NPAT: variants seen among roughly 807,000 people sequenced by gnomAD.
NPAT encodes protein NPAT.
NPAT carries 52 observed loss-of-function variants against 130.7 expected under a neutral mutation model. That is an observed-to-expected ratio of 0.40 (90% CI 0.32 to 0.50). The LOEUF (loss-of-function observed/expected upper bound fraction) is 0.50, where lower values mean the gene tolerates loss of function less well. NPAT is among the 20% of genes least tolerant of loss of function. The pLI is 0.68. For synonymous variants in NPAT, 580 were observed against 584.8 expected (o/e 0.99, Z 0.12); for missense variants, 1,687 against 1,662.6 (o/e 1.01, Z -0.26).
At chr11:108,190,217 G>A (rs751796632) in intron 5 of NPAT, among the ~76,000 whole-genome samples, 2 of 150,498 alleles carry the variant, frequency 1.3e-5, no homozygotes, top group Non-Finnish European at 2.9e-5. Context: ...GGAGTCTGAG[G>A]CAGGAGAATC....
Position 108,189,328 on chromosome 11 carries a change from G to A in NPAT, c.334C>T (p.Arg112Ter), listed in dbSNP as rs1310038211. 1.2e-6 allele frequency: 2 copies of A among 1,614,008 alleles called. No individual in the cohort carries two copies. The highest frequency in any genetic ancestry group is 1.1e-5 in the South Asian group (1 of 91,066). ...SPRFAGSQRA[R>*]TRTGIAEIKR... Reference sequence around the variant, plus strand: ...ATTTCTGCAATTCCAGTTCTCGTTCGGGCTGAAACATATAAGCATTTAAAA... The same window carrying A: ...ATTTCTGCAATTCCAGTTCTCGTTCAGGCTGAAACATATAAGCATTTAAAA... The change falls in exon 6 of 18, where the codon CGA (arginine) becomes TGA (stop). Residue 112 changes from arginine (R) to a stop codon, truncating the protein, a stop_gained and splice_region_variant. Transcript: ENST00000278612. LOFTEE classifies it high-confidence loss of function.
chr11:108,185,375 T>C (rs749650008), intron 9 of NPAT, 28 bp downstream of exon 9: 1 of 1,574,974 alleles, frequency 6.3e-7, no homozygotes. Flanking sequence ...GCAAAAACAA[T>C]TAGGCATTTT....
At chr11:108,160,077 G>C (rs992080260) in intron 17 of NPAT, among the ~76,000 whole-genome samples, 1 of 151,530 alleles carries the variant, frequency 6.6e-6, no homozygotes, top group Non-Finnish European at 1.5e-5. Context: ...TTGAACTCAG[G>C]AGGCGGAAGT....
In NPAT at chr11:108,161,998, T is replaced by G. The variant is rs770282833; in HGVS notation, c.3088A>C (p.Lys1030Gln). The change falls in exon 17 of 18, where the codon AAA becomes CAA. Residue 1030 changes from lysine to glutamine, a missense_variant. Physicochemically the swap from Lys to Gln is moderately conservative, Grantham distance 53. Coordinates refer to ENST00000278612, the MANE Select transcript of NPAT (RefSeq NM_002519.3). Reference sequence around the variant, plus strand: ...TTCCCAAGATCTGTGGCAATACTTTTGTCAGAAACTTCAGTTCTAAAACAA... The same window carrying G: ...TTCCCAAGATCTGTGGCAATACTTTGGTCAGAAACTTCAGTTCTAAAACAA... Reference protein sequence around the residue: ...CHAQKTEVSDKSIATDLGKKS... With the variant: ...CHAQKTEVSDQSIATDLGKKS... The G allele has an allele frequency of 3.7e-6, 6 of 1,608,822 alleles. No individual in the cohort carries two copies. The highest frequency in any genetic ancestry group is 5.1e-6 in the Non-Finnish European group (6 of 1,177,814).
Position 108,172,804 on chromosome 11 carries a change from T to C in NPAT, c.2180A>G (p.Asn727Ser). The change falls in exon 13 of 18, where the codon AAC (asparagine) becomes AGC (serine). Residue 727 changes from asparagine (N) to serine (S), a missense_variant. Around this residue, in one of 3 missense-constraint regions of NPAT, gnomAD observed 1,379 missense variants for 1,346.6 expected, o/e 1.02. Transcript: ENST00000278612. ...SQNTDDKPSS[N>S]NSAEIDASNI... is the part of the protein sequence containing the mutation. ...TGATGCATCTATCTCTGCTGAGTTG[T>C]TGCTAGAAGGTTTATCATCAGTATT... The C allele has an allele frequency of 6.2e-7, 1 of 1,613,792 alleles. No individual in the cohort carries two copies. Among genetic ancestry groups the C allele is most frequent in the Non-Finnish European group, 8.5e-7 (1 of 1,179,970 alleles).
chr11:108,173,514 CAA>C lies in NPAT; in HGVS notation c.1468_1469del (p.Leu490ValfsTer7), dbSNP rs2077975371. ...EMAIGIEKNS[L>X]SSNVPSESQL... ...GAGATTCACTCGGTACATTTGAAGACAAAGAGTTCTTTTCAATCCCTATAGCC... is the reference window on the plus strand; with the variant it reads ...GAGATTCACTCGGTACATTTGAAGACAGAGTTCTTTTCAATCCCTATAGCC... On this transcript the variant is annotated frameshift_variant, in exon 13 of 18. Transcript: ENST00000278612. LOFTEE classifies it high-confidence loss of function. The C allele has an allele frequency of 6.2e-7, 1 of 1,614,140 alleles. No homozygotes were observed. Among genetic ancestry groups the C allele is most frequent in the Non-Finnish European group, 8.5e-7 (1 of 1,180,008 alleles).
Position 108,222,522 on chromosome 11 carries a change from C to T in NPAT, c.15G>A (p.Ser5=). 6.2e-7 allele frequency: 1 copy of T among 1,613,878 alleles called. No homozygotes were observed. Among genetic ancestry groups the T allele is most frequent in the Non-Finnish European group, 8.5e-7 (1 of 1,179,946 alleles). MLLP[S]DVARLVLGYL... ...TACCCAATACAAGCCGGGCTACGTC[C>T]GAGGGTAACAACATGATCAAAACCA... Residue 5 remains serine, a synonymous_variant, in exon 1 of 18, where the codon TCG becomes TCA. Transcript: ENST00000278612.
chr11:108,179,819 G>T (rs2078042974), intron 10 of NPAT, among the ~76,000 whole-genome samples: 1 of 151,916 alleles, frequency 6.6e-6, no homozygotes, highest in Non-Finnish European at 1.5e-5. Flanking sequence ...AAAATAAAAA[G>T]AAATCATAAG....
chr11:108,220,547 G>GA (rs950201634), intron 1 of NPAT, among the ~76,000 whole-genome samples: 1 of 151,834 alleles, frequency 6.6e-6, no homozygotes, highest in East Asian at 1.9e-4. Context: ...AGATTTGCTA[G>GA]AAAAAAAACA....
chr11:108,174,545 GC>G (rs2077985469), intron 12 of NPAT, among the ~76,000 whole-genome samples: 1 of 143,986 alleles, frequency 6.9e-6, no homozygotes, highest in Non-Finnish European at 1.5e-5. Flanking sequence ...TATAAAGGAG[GC>G]ACTGTATGAG....
chr11:108,170,191 C>T, intron 13 of NPAT, 148 bp from the exon 14 acceptor site: 1 of 506,366 alleles, frequency 2.0e-6, no homozygotes, highest in East Asian at 3.8e-5. Context: ...AAAAACAAAA[C>T]AAAACAAAAC....
chr11:108,185,547 T>C, intron 8 of NPAT, 53 bp from the exon 9 acceptor site: 1 of 1,152,926 alleles, frequency 8.7e-7, no homozygotes. Context: ...ATTCTGCTAT[T>C]TAATATTTAT....
Position 108,195,350 on chromosome 11 carries a change from G to A in NPAT, c.157-1333C>T, listed in dbSNP as rs567817489. 7.9e-5 allele frequency among the ~76,000 whole-genome samples: 12 copies of A among 152,302 alleles called. No homozygotes were observed. The South Asian group carries it at 1.5e-3, about 18-fold the overall frequency. On this transcript the variant is annotated intron_variant, in intron 2 of 17. Transcript: ENST00000278612. ...TCCTGCTGCTCTGCATATTTGTGGT[G>A]AAGGACTTGCCAGTTTTTAAACCTG...
intron 10 of NPAT, 115 bp downstream of exon 10, chr11:108,185,117 G>C (rs1277519864): frequency 4.0e-6 from 3 of 755,828 alleles, no homozygotes; most frequent in Non-Finnish European, 7.1e-6. Context: ...TATCTAATTA[G>C]ATGGCAAATC....
chr11:108,164,405 C>T (rs2077881316), intron 15 of NPAT, among the ~76,000 whole-genome samples: 1 of 152,044 alleles, frequency 6.6e-6, no homozygotes, highest in Non-Finnish European at 1.5e-5. Flanking sequence ...TAGCTAGTGG[C>T]TATGTAGAAG....
At chr11:108,201,137 G>A (rs1374400858) in intron 1 of NPAT, among the ~76,000 whole-genome samples, 1 of 152,138 alleles carries the variant, frequency 6.6e-6, no homozygotes, top group Non-Finnish European at 1.5e-5. Context: ...GAGGATATAA[G>A]GTCTCAAAAT....
At chr11:108,171,163 C>T (rs1266222741) in intron 13 of NPAT, 1 of 114,552 alleles carries the variant, frequency 8.7e-6, no homozygotes, top group African/African-American at 3.4e-5. Flanking sequence ...CAGAGTCTTA[C>T]TCTGTCACCC....
chr11:108,193,309 G>A (rs140363671), intron 3 of NPAT, among the ~76,000 whole-genome samples: 2 of 152,272 alleles, frequency 1.3e-5, no homozygotes, highest in African/African-American at 2.4e-5. Context: ...ACATAGTGAT[G>A]TCTGTTTATC....
At chr11:108,159,737 G>A (rs745318869) in intron 17 of NPAT, among the ~76,000 whole-genome samples, 8 of 152,176 alleles carry the variant, frequency 5.3e-5, no homozygotes, top group South Asian at 2.1e-4. Context: ...AAGGCCAGGC[G>A]CAGTGGCTCA....
Sources: allele counts gnomAD v4.1 joint callset (sites outside exome capture counted in the v4.1 genomes callset), GRCh38; gene constraint gnomAD v4.1.1; regional missense constraint gnomAD v4.1.1; transcripts MANE v1.5; gene names NCBI Gene and HGNC (gene_info 2026-07-23, HGNC 2026-07-21).